The following PPP1R21 variants were observed in gnomAD, a reference collection of about 807,000 sequenced individuals.
PPP1R21 encodes the protein protein phosphatase 1 regulatory subunit 21.
Under a neutral mutation model 112.8 loss-of-function variants are expected in PPP1R21, and 85 were observed. The ratio of observed to expected loss-of-function variants is 0.75; its 90% CI spans 0.63 to 0.90. PPP1R21 has a LOEUF of 0.90. PPP1R21 is among the 40% of genes least tolerant of loss of function. The pLI, the probability that PPP1R21 is intolerant of heterozygous loss-of-function variation, is 0.00. For synonymous variants in PPP1R21, 381 were observed against 322.3 expected, an observed-to-expected ratio of 1.18 and a Z score of -1.95; for missense variants, 1,199 against 901.5, an observed-to-expected ratio of 1.33 and a Z score of -4.23.
chr2:48,472,148 GAGAA>G (rs1482909654), intron 11 of PPP1R21, among the ~76,000 whole-genome samples: 40 of 142,548 alleles, frequency 2.8e-4, no homozygotes, highest in South Asian at 6.7e-4. Context: ...GCTGAGGCAG[GAGAA>G]TCGCTCGAAC....
intron 3 of PPP1R21, among the ~76,000 whole-genome samples, chr2:48,455,348 G>C (rs980032968): frequency 6.6e-6 from 1 of 151,530 alleles, no homozygotes; most frequent in African/African-American, 2.4e-5. Context: ...TCTCCATGTT[G>C]GTCAGGCTGG....
chr2:48,473,086 A>G (rs544407391), intron 11 of PPP1R21, among the ~76,000 whole-genome samples: 13 of 150,942 alleles, frequency 8.6e-5, no homozygotes, highest in Admixed American at 2.6e-4. Flanking sequence ...TTTAAGAAAT[A>G]TACAATTTTA....
chr2:48,491,623 T>C (rs980472829), intron 15 of PPP1R21, among the ~76,000 whole-genome samples: 5 of 152,108 alleles, frequency 3.3e-5, no homozygotes, highest in Admixed American at 2.6e-4. Context: ...ACCACCCAAA[T>C]GTAGCTATAA....
intron 1 of PPP1R21, among the ~76,000 whole-genome samples, chr2:48,443,423 A>T (rs1455792686): frequency 1.3e-5 from 2 of 152,234 alleles, no homozygotes; most frequent in Non-Finnish European, 2.9e-5. Context: ...GAAACTTTCT[A>T]ATGGACATGG....
chr2:48,488,514 C>T (rs1290310654), intron 14 of PPP1R21, among the ~76,000 whole-genome samples: 1 of 152,060 alleles, frequency 6.6e-6, no homozygotes, highest in African/African-American at 2.4e-5. Flanking sequence ...CTAAAGGTGC[C>T]TGCCACCATG....
At chr2:48,514,155 G>A (rs1670766529) in intron 21 of PPP1R21, among the ~76,000 whole-genome samples, 1 of 127,132 alleles carries the variant, frequency 7.9e-6, no homozygotes, top group African/African-American at 3.1e-5. Flanking sequence ...GCGCCATCTT[G>A]GCTCACTGCA....
rs112758220 is a variant in PPP1R21, at chr2:48,486,183, G to A, written c.1319-448G>A. Among the ~76,000 whole-genome samples, 161 of 152,108 alleles carry A rather than the reference G, an allele frequency of 1.1e-3. 2 individuals are homozygous for A. The highest frequency in any genetic ancestry group is 3.6e-3 in the African/African-American group (148 of 41,514). ...AGTTAGGGTGTGCACTAGGAAACTA[G>A]CTATAGCCCAGTAAGGACTGTGAGA... On this transcript the variant is annotated intron_variant, in intron 13 of 21. Transcript: ENST00000294952.
intron 14 of PPP1R21, among the ~76,000 whole-genome samples, chr2:48,487,152 G>A (rs779890396): frequency 1.3e-5 from 2 of 152,108 alleles, no homozygotes; most frequent in Non-Finnish European, 2.9e-5. Flanking sequence ...AAGATTCTAG[G>A]TAGTCTCAAT....
intron 3 of PPP1R21, among the ~76,000 whole-genome samples, chr2:48,455,362 C>T (rs958734299): frequency 6.6e-5 from 10 of 150,992 alleles, no homozygotes; most frequent in Non-Finnish European, 1.3e-4. Flanking sequence ...AGGCTGGTCT[C>T]GAACTCCAGA....
chr2:48,460,215 G>C (rs1667917049), intron 6 of PPP1R21, 62 bp downstream of exon 6: 1 of 1,514,040 alleles, frequency 6.6e-7, no homozygotes, highest in African/African-American at 1.4e-5. Flanking sequence ...ATGGGTTTTG[G>C]TTGTAGCAGC....
At chr2:48,465,701 G>T in intron 9 of PPP1R21, 59 bp downstream of exon 9, 1 of 1,505,644 alleles carries the variant, frequency 6.6e-7, no homozygotes. Flanking sequence ...GATATTGTTT[G>T]TTTTTAGACC....
At chr2:48,451,624 A>C (rs954794676) in intron 2 of PPP1R21, among the ~76,000 whole-genome samples, 1 of 152,192 alleles carries the variant, frequency 6.6e-6, no homozygotes, top group Non-Finnish European at 1.5e-5. Flanking sequence ...AGATGAAGGA[A>C]TTTGTTTCTG....
At chr2:48,466,856 T>C (rs1668226430) in intron 9 of PPP1R21, among the ~76,000 whole-genome samples, 2 of 151,782 alleles carry the variant, frequency 1.3e-5, no homozygotes, top group African/African-American at 4.8e-5. Flanking sequence ...AGGGGAGGTA[T>C]GGAAAGGAAG....
chr2:48,501,431 A>G (rs1296909624), intron 17 of PPP1R21, among the ~76,000 whole-genome samples: 1 of 152,226 alleles, frequency 6.6e-6, no homozygotes, highest in Non-Finnish European at 1.5e-5. Flanking sequence ...CACAGGTCTA[A>G]GGACTTTCCA....
chr2:48,471,307 C>T lies in PPP1R21; in HGVS notation c.1028C>T (p.Ser343Leu). 1 of 1,611,486 alleles carries T rather than the reference C, an allele frequency of 6.2e-7. No individual in the cohort carries two copies. The highest frequency in any genetic ancestry group is 8.5e-7 in the Non-Finnish European group (1 of 1,179,074). The stretch of plus-strand genomic sequence containing the variant: ...ACAACTGTGAAATTGAAAACTTTTT[C>T]AGAACACTTAACCTCCTACATATGT... ...LETTVKLKTFSEHLTSYICFL... is the reference protein window; with the variant it reads ...LETTVKLKTFLEHLTSYICFL... Residue 343 changes from serine to leucine, a missense_variant, in exon 11 of 22, where the codon TCA becomes TTA. Transcript: ENST00000294952.
At chr2:48,491,551 A>T (rs902940470) in intron 15 of PPP1R21, among the ~76,000 whole-genome samples, 2 of 60,702 alleles carry the variant, frequency 3.3e-5, no homozygotes, top group African/African-American at 1.8e-4. Flanking sequence ...AAAAAAAAGA[A>T]AAAAAAAAGA....
chr2:48,479,508 C>T (rs1023811871), intron 12 of PPP1R21: 3 of 475,090 alleles, frequency 6.3e-6, no homozygotes, highest in African/African-American at 6.0e-5. Context: ...AGCAGGTCCA[C>T]AGAGCTCCTC....
At chr2:48,486,814 C>T in intron 14 of PPP1R21, 56 bp downstream of exon 14, 1 of 1,552,070 alleles carries the variant, frequency 6.4e-7, no homozygotes, top group Non-Finnish European at 8.7e-7. Context: ...TGCTTTTTTT[C>T]TGAGGGACAT....
At chr2:48,501,770 C>T (rs182655386) in intron 17 of PPP1R21, among the ~76,000 whole-genome samples, 1 of 151,794 alleles carries the variant, frequency 6.6e-6, no homozygotes, top group Non-Finnish European at 1.5e-5. Flanking sequence ...CATTGTGCCA[C>T]TGTACTCCAG....
Sources: gnomAD v4.1 joint callset for allele counts (sites outside exome capture counted in the v4.1 genomes callset) on GRCh38, gnomAD v4.1.1 for gene constraint, MANE v1.5 for transcripts, NCBI Gene and HGNC (gene_info 2026-07-23, HGNC 2026-07-21) for gene names.